UVRAG: variants seen among roughly 807,000 people sequenced by gnomAD.
The protein encoded by UVRAG is UV radiation resistance-associated gene protein.
UVRAG carries 19 observed loss-of-function variants against 78.0 expected under a neutral mutation model. The observed-to-expected ratio is 0.24, with a 90% CI of 0.17 to 0.36. The LOEUF (loss-of-function observed/expected upper bound fraction) is 0.36, where lower values mean the gene tolerates loss of function less well. Among genes scored for constraint, UVRAG ranks in the 10% least tolerant of loss-of-function variants. The probability of loss-of-function intolerance (pLI) is 1.00; values close to 1 mark genes in which losing one functional copy is unlikely to be tolerated. For missense variants in UVRAG, 740 were observed against 853.8 expected, an observed-to-expected ratio of 0.87 and a Z score of 1.66; for synonymous variants, 323 against 324.6, an observed-to-expected ratio of 1.00 and a Z score of 0.05.
At chr11:76,081,727 A>G (rs961469261) in intron 13 of UVRAG, among the ~76,000 whole-genome samples, 1 of 152,222 alleles carries the variant, frequency 6.6e-6, no homozygotes, top group Non-Finnish European at 1.5e-5. Context: ...ATAATTTGAC[A>G]TTATGCAGTG....
chr11:76,129,812 A>T (rs1952479748), intron 14 of UVRAG, among the ~76,000 whole-genome samples: 1 of 151,200 alleles, frequency 6.6e-6, no homozygotes, highest in Non-Finnish European at 1.5e-5. Flanking sequence ...TCCACTCTGG[A>T]CCCCTCCATT....
intron 3 of UVRAG, among the ~76,000 whole-genome samples, chr11:75,864,114 A>G (rs1263279971): frequency 6.7e-6 from 1 of 149,878 alleles, no homozygotes; most frequent in Admixed American, 6.7e-5. Flanking sequence ...GGAGTGCAGT[A>G]GCATGATCTC....
At chr11:75,988,427 T>A (rs965265799) in intron 8 of UVRAG, among the ~76,000 whole-genome samples, 3 of 152,216 alleles carry the variant, frequency 2.0e-5, no homozygotes, top group Admixed American at 2.0e-4. Context: ...ATTTATGTGG[T>A]TGTATGTGTC....
rs567578642 is a variant in UVRAG at position 76,054,344 on chromosome 11, C to A, written c.1227-11366C>A. Among the ~76,000 whole-genome samples, 46 of 152,234 alleles carry A rather than the reference C, an allele frequency of 3.0e-4. No homozygotes were observed. The South Asian group carries it at 7.0e-3, about 23-fold the overall frequency. The stretch of plus-strand genomic sequence containing the variant: ...CCACAGCCACCATCTTGGTTCAAAC[C>A]GCTGTCTTCTCTTGCCTAAATTTTT... On this transcript the variant is annotated intron_variant, in intron 12 of 14. Coordinates refer to ENST00000356136, the MANE Select transcript of UVRAG (RefSeq NM_003369.4).
At chr11:76,087,222 G>A (rs1182887161) in intron 13 of UVRAG, among the ~76,000 whole-genome samples, 1 of 152,204 alleles carries the variant, frequency 6.6e-6, no homozygotes, top group Non-Finnish European at 1.5e-5. Flanking sequence ...CAGTGAGAAA[G>A]TCAAACATAT....
chr11:76,030,639 A>G (rs1044129786), intron 12 of UVRAG, among the ~76,000 whole-genome samples: 2 of 152,212 alleles, frequency 1.3e-5, no homozygotes, highest in Non-Finnish European at 2.9e-5. Context: ...TTTTCCAAAC[A>G]CATCACAGTA....
At chr11:76,046,348 A>G (rs1357454125) in intron 12 of UVRAG, among the ~76,000 whole-genome samples, 2 of 152,212 alleles carry the variant, frequency 1.3e-5, no homozygotes, top group Non-Finnish European at 2.9e-5. Context: ...GCACTGGCCA[A>G]TGGAGCAAGA....
At chr11:75,961,259 A>G (rs778970544) in intron 6 of UVRAG, among the ~76,000 whole-genome samples, 185 bp from the exon 7 acceptor site, 8 of 152,278 alleles carry the variant, frequency 5.3e-5, no homozygotes, top group Non-Finnish European at 1.0e-4. Flanking sequence ...AGGGTGTTTT[A>G]GAGCTTTACT....
chr11:75,938,028 T>C (rs914053330), intron 6 of UVRAG, among the ~76,000 whole-genome samples: 2 of 152,170 alleles, frequency 1.3e-5, no homozygotes, highest in African/African-American at 4.8e-5. Context: ...TTGTAATAAC[T>C]AATTTGTTCA....
At chr11:76,092,852 T>A (rs184056406) in intron 13 of UVRAG, among the ~76,000 whole-genome samples, 3 of 152,344 alleles carry the variant, frequency 2.0e-5, no homozygotes, top group Admixed American at 1.3e-4. Context: ...GGATCCCATT[T>A]GTCTATTTTG....
At chr11:75,839,349 T>C (rs147288119) in intron 1 of UVRAG, among the ~76,000 whole-genome samples, 4 of 152,258 alleles carry the variant, frequency 2.6e-5, no homozygotes, top group Non-Finnish European at 5.9e-5. Flanking sequence ...TTTTATAGCT[T>C]CTGAATATCA....
At chr11:75,944,282 A>T (rs760868359) in intron 6 of UVRAG, among the ~76,000 whole-genome samples, 1 of 152,156 alleles carries the variant, frequency 6.6e-6, no homozygotes, top group East Asian at 1.9e-4. Context: ...AGAACAAGTT[A>T]TCTTAGACTA....
chr11:75,877,818 A>AG (rs1946834291), intron 3 of UVRAG, among the ~76,000 whole-genome samples: 1 of 120,530 alleles, frequency 8.3e-6, no homozygotes, highest in Admixed American at 8.7e-5. Flanking sequence ...GGCTGGGCAG[A>AG]GGCGCCCCTC....
At chr11:75,883,693 A>G (rs567330792) in intron 4 of UVRAG, among the ~76,000 whole-genome samples, 17 of 152,342 alleles carry the variant, frequency 1.1e-4, no homozygotes, top group Admixed American at 2.0e-4. Flanking sequence ...GAATACCTTC[A>G]TAGAGAGCTG....
chr11:75,996,930 C>T (rs1016271121), intron 8 of UVRAG, among the ~76,000 whole-genome samples: 4 of 152,184 alleles, frequency 2.6e-5, no homozygotes, highest in African/African-American at 7.2e-5. Flanking sequence ...TGACAGATAT[C>T]GTTTGTTTTA....
At chr11:76,089,795 C>T (rs1038352057) in intron 13 of UVRAG, among the ~76,000 whole-genome samples, 4 of 152,166 alleles carry the variant, frequency 2.6e-5, no homozygotes, top group Admixed American at 2.6e-4. Context: ...CTGATTTCTT[C>T]AGTAGGAGAT....
intron 6 of UVRAG, among the ~76,000 whole-genome samples, chr11:75,949,702 T>C (rs1948648272): frequency 7.0e-6 from 1 of 143,206 alleles, no homozygotes; most frequent in Non-Finnish European, 1.5e-5. Context: ...CATATATATA[T>C]ATATATATAT....
At chr11:75,998,590 G>A (rs1949750903) in intron 8 of UVRAG, among the ~76,000 whole-genome samples, 1 of 152,206 alleles carries the variant, frequency 6.6e-6, no homozygotes. Context: ...AGGCAACGAA[G>A]TAGCTTGAGT....
At chr11:75,848,347 A>G (rs986494646) in intron 1 of UVRAG, among the ~76,000 whole-genome samples, 1 of 152,246 alleles carries the variant, frequency 6.6e-6, no homozygotes, top group African/African-American at 2.4e-5. Flanking sequence ...TACAGCCCAC[A>G]GTCAGTGCTT....
Sources: gnomAD v4.1 joint callset for allele counts (sites outside exome capture counted in the v4.1 genomes callset) on GRCh38, gnomAD v4.1.1 for gene constraint, MANE v1.5 for transcripts, NCBI Gene and HGNC (gene_info 2026-07-23, HGNC 2026-07-21) for gene names.